The following CDR2 variants were observed in gnomAD, a reference collection of about 807,000 sequenced individuals.
The protein encoded by CDR2 is cerebellar degeneration related protein 2.
Under a neutral mutation model 48.4 loss-of-function variants are expected in CDR2, and 34 were observed. The ratio of observed to expected loss-of-function variants is 0.70; its 90% CI spans 0.53 to 0.94. The LOEUF is 0.94. Ranked by LOEUF, CDR2 falls within the 40% of genes least tolerant of loss-of-function variation. The pLI is 0.00. For missense variants in CDR2, 498 were observed against 549.5 expected (o/e 0.91, Z 0.94); for synonymous variants, 240 against 219.7 (o/e 1.09, Z -0.82).
intron 2 of CDR2, among the ~76,000 whole-genome samples, chr16:22,352,039 G>T (rs1159439966): frequency 6.6e-6 from 1 of 152,172 alleles, no homozygotes; most frequent in Admixed American, 6.5e-5. Flanking sequence ...CTTAAGGCAG[G>T]CCAGGAGTTC....
chr16:22,369,038 T>C (rs1180786355), intron 1 of CDR2: 1 of 152,030 alleles, frequency 6.6e-6, no homozygotes, highest in Non-Finnish European at 1.5e-5. Flanking sequence ...AAAGACAAAG[T>C]ATAAAAACAT....
intron 1 of CDR2, among the ~76,000 whole-genome samples, chr16:22,369,640 CACACTGTATA>C (rs535870770): frequency 3.0e-4 from 45 of 151,242 alleles, no homozygotes; most frequent in Non-Finnish European, 4.2e-4. Context: ...CCTGTGAAGT[CACACTGTATA>C]ACAGGATATT....
rs1032082499 is a variant in CDR2, at chr16:22,348,690, G to A, written c.506+589C>T. 2.6e-5 allele frequency among the ~76,000 whole-genome samples: 4 copies of A among 152,334 alleles called. No individual in the cohort carries two copies. In the East Asian group the frequency reaches 7.7e-4, roughly 29 times the overall value. ...AACCCCACAGGTGATCTGATGTACA[G>A]CCAAGGTTGAGACCCACCAAATGAA... On this transcript the variant is annotated intron_variant, in intron 4 of 4. Coordinates refer to ENST00000268383, the MANE Select transcript of CDR2 (RefSeq NM_001802.2).
intron 2 of CDR2, among the ~76,000 whole-genome samples, chr16:22,358,582 TA>T (rs1204088145): frequency 1.3e-5 from 2 of 152,134 alleles, no homozygotes; most frequent in African/African-American, 4.8e-5. Context: ...CGACCCCAAG[TA>T]AAAATGCATA....
intron 2 of CDR2, among the ~76,000 whole-genome samples, chr16:22,351,908 G>A (rs893057784): frequency 2.0e-5 from 3 of 152,166 alleles, no homozygotes; most frequent in African/African-American, 7.2e-5. Context: ...ATGGTTTGAA[G>A]CTTACTGATG....
In CDR2 at chr16:22,347,188, G is replaced by A. The variant is rs1202476727; in HGVS notation, c.1142C>T (p.Thr381Ile). ...QDSLSHKAVQ[T>I]SRAAAKDLTG... The stretch of plus-strand genomic sequence containing the variant: ...CAGGTCCTTGGCTGCAGCCCTGGAG[G>A]TCTGCACAGCCTTGTGTGACAGGGA... Residue 381 changes from threonine to isoleucine, a missense_variant, in exon 5 of 5, where the codon ACC becomes ATC. By Grantham distance (89) the Thr-to-Ile change is moderately conservative. Coordinates refer to ENST00000268383, the MANE Select transcript of CDR2 (RefSeq NM_001802.2). The A allele has an allele frequency of 1.9e-6, 3 of 1,614,078 alleles. No homozygotes were observed. Among genetic ancestry groups the A allele is most frequent in the African/African-American group, 1.3e-5 (1 of 74,924 alleles).
At chr16:22,367,799 C>G (rs1183981090) in intron 1 of CDR2, among the ~76,000 whole-genome samples, 2 of 152,210 alleles carry the variant, frequency 1.3e-5, no homozygotes, top group African/African-American at 4.8e-5. Flanking sequence ...CTACCACACC[C>G]AACTCCAGAT....
chr16:22,374,158 C>T, intron 1 of CDR2, 73 bp downstream of exon 1: 1 of 1,039,428 alleles, frequency 9.6e-7, no homozygotes, highest in Admixed American at 2.4e-5. Flanking sequence ...CAAAAAGCAA[C>T]TTTTTAACAG....
chr16:22,353,219 C>T (rs1298522987), intron 2 of CDR2, among the ~76,000 whole-genome samples: 1 of 152,132 alleles, frequency 6.6e-6, no homozygotes, highest in African/African-American at 2.4e-5. Context: ...TTCACATCCT[C>T]TATTAGGACA....
rs759309066 is a variant in CDR2, at chr16:22,364,994, G to C, written c.100C>G (p.Leu34Val). 16 of 1,611,572 alleles carry C rather than the reference G, an allele frequency of 9.9e-6. No individual in the cohort carries two copies. The Admixed American group carries it at 2.5e-4, about 25-fold the overall frequency. ...LQQDLQLAAE[L>V]GKTLLDRNTE... Reference sequence around the variant, plus strand: ...TTCCGATCCAGTAATGTCTTCCCAAGCTCAGCAGCAAGTTGAAGATCTAGC... The same window carrying C: ...TTCCGATCCAGTAATGTCTTCCCAACCTCAGCAGCAAGTTGAAGATCTAGC... Residue 34 changes from leucine to valine, a missense_variant, in exon 2 of 5, where the codon CTT becomes GTT. Transcript: ENST00000268383.
At chr16:22,372,004 G>C (rs2049081796) in intron 1 of CDR2, among the ~76,000 whole-genome samples, 1 of 152,096 alleles carries the variant, frequency 6.6e-6, no homozygotes, top group African/African-American at 2.4e-5. Context: ...CCGAGTAGCT[G>C]GGATTACAGG....
chr16:22,374,205 C>G, intron 1 of CDR2, 26 bp downstream of exon 1: 1 of 1,533,006 alleles, frequency 6.5e-7, no homozygotes, highest in Non-Finnish European at 8.9e-7. Context: ...GGCCGCCGCC[C>G]GCCCGCGGGG....
Position 22,346,700 on chromosome 16 carries a change from T to C in CDR2, c.*265A>G. The C allele has an allele frequency of 2.1e-6, 1 of 468,264 alleles. No individual in the cohort carries two copies. Among genetic ancestry groups the C allele is most frequent in the Non-Finnish European group, 3.9e-6 (1 of 259,728 alleles). 29.0% of individuals were successfully genotyped at this position (468,264 alleles called of 1,614,324 possible). A position where few individuals can be genotyped will look rare whatever the true frequency, so the allele number is the denominator to read the frequency against. On this transcript the variant is annotated 3_prime_UTR_variant, in exon 5 of 5. Transcript: ENST00000268383. ...GAAGTATAGCTCTTCCCTCCACTGGTCCTTTTCAGGAACTGAAGTCTAATC... is the reference window on the plus strand; with the variant it reads ...GAAGTATAGCTCTTCCCTCCACTGGCCCTTTTCAGGAACTGAAGTCTAATC...
rs775000362 is a variant in CDR2, at chr16:22,374,262, C to A, written c.48G>T (p.Glu16Asp). The A allele has an allele frequency of 1.1e-5, 18 of 1,603,998 alleles. No individual in the cohort carries two copies. The East Asian group carries it at 3.9e-4, about 35-fold the overall frequency. Residue 16 changes from glutamate to aspartate, a missense_variant, in exon 1 of 5, where the codon GAG becomes GAT. By Grantham distance (45) the Glu-to-Asp change is conservative (BLOSUM62 2). Coordinates refer to ENST00000268383, the MANE Select transcript of CDR2 (RefSeq NM_001802.2). ...LVEEFEMKED[E>D]PWYDHQDLQQ... ...GGAGGTCCTGGTGGTCGTACCACGG[C>A]TCGTCCTCCTTCATCTCAAACTCCT...
rs758571570 is a variant in CDR2, at chr16:22,347,012, T to C, written c.1318A>G (p.Ile440Val). 6.2e-7 allele frequency: 1 copy of C among 1,614,088 alleles called. No individual in the cohort carries two copies. Among genetic ancestry groups the C allele is most frequent in the Non-Finnish European group, 8.5e-7 (1 of 1,179,910 alleles). ...FSCIKKTKQE[I>V]DEQRTKYRSL... ...CGGTATTTTGTTCTCTGTTCATCTA[T>C]TTCCTGCTTAGTTTTCTTGATGCAA... Residue 440 changes from isoleucine to valine, a missense_variant, in exon 5 of 5, where the codon ATA becomes GTA. By Grantham distance (29) the Ile-to-Val change is conservative. Coordinates refer to ENST00000268383, the MANE Select transcript of CDR2 (RefSeq NM_001802.2).
chr16:22,363,849 T>C (rs2049027391), intron 2 of CDR2, among the ~76,000 whole-genome samples: 1 of 152,210 alleles, frequency 6.6e-6, no homozygotes. Context: ...GGGGACTATT[T>C]ATAAGATTAG....
At chr16:22,361,965 G>A (rs950092509) in intron 2 of CDR2, among the ~76,000 whole-genome samples, 1 of 136,546 alleles carries the variant, frequency 7.3e-6, no homozygotes, top group African/African-American at 2.8e-5. Flanking sequence ...GCAGTGGCAC[G>A]ATCTCGGCTC....
chr16:22,357,950 T>C (rs564626437), intron 2 of CDR2, among the ~76,000 whole-genome samples: 2 of 152,350 alleles, frequency 1.3e-5, no homozygotes, highest in Non-Finnish European at 2.9e-5. Context: ...TGTTTTCACA[T>C]GGTAGGAGCT....
At chr16:22,348,548 T>C (rs1390198364) in intron 4 of CDR2, among the ~76,000 whole-genome samples, 1 of 152,216 alleles carries the variant, frequency 6.6e-6, no homozygotes, top group Non-Finnish European at 1.5e-5. Context: ...CAAATTACTG[T>C]TGCTGTGGTG....
Sources: allele counts gnomAD v4.1 joint callset (sites outside exome capture counted in the v4.1 genomes callset), GRCh38; gene constraint gnomAD v4.1.1; transcripts MANE v1.5; gene names NCBI Gene and HGNC (gene_info 2026-07-23, HGNC 2026-07-21).